Variants in TEK observed in about 807,000 individuals in gnomAD.
TEK encodes the protein TEK receptor tyrosine kinase, also known as angiopoietin-1 receptor.
Under a neutral mutation model 131.8 loss-of-function variants are expected in TEK, and 43 were observed. The ratio of observed to expected loss-of-function variants is 0.33; its 90% confidence interval spans 0.26 to 0.42. The LOEUF (loss-of-function observed/expected upper bound fraction) is 0.42. TEK is among the 10% of genes least tolerant of loss of function. The pLI, the probability that TEK is intolerant of heterozygous loss-of-function variation, is 1.00. For synonymous variants in TEK, 580 were observed against 491.6 expected (o/e 1.18, Z -2.38); for missense variants, 1,162 against 1,384.4 (o/e 0.84, Z 2.55).
intron 21 of TEK, among the ~76,000 whole-genome samples, chr9:27,227,391 A>G (rs1294860388): frequency 1.3e-5 from 2 of 152,194 alleles, no homozygotes; most frequent in East Asian, 3.9e-4. Flanking sequence ...TCTGCGGTCA[A>G]TTACTTTGGA....
Position 27,229,667 on chromosome 9 carries a change from T to G in TEK, c.*435T>G, listed in dbSNP as rs1160674607. 5.1e-6 allele frequency: 1 copy of G among 194,528 alleles called. No homozygotes were observed. The highest frequency in any genetic ancestry group is 1.1e-5 in the Non-Finnish European group (1 of 92,294). 12.1% of individuals were successfully genotyped at this position (194,528 alleles called of 1,614,324 possible). On this transcript the variant is annotated 3_prime_UTR_variant, in exon 23 of 23. Transcript: ENST00000380036. Reference sequence around the variant, plus strand: ...AATGACCCTGATAGTACAGGTTAAGTGAGAGAACTATATGAATTCTAACAA... The same window carrying G: ...AATGACCCTGATAGTACAGGTTAAGGGAGAGAACTATATGAATTCTAACAA...
chr9:27,204,070 C>T (rs954109512), intron 13 of TEK, among the ~76,000 whole-genome samples: 3 of 151,964 alleles, frequency 2.0e-5, no homozygotes, highest in South Asian at 2.1e-4. Flanking sequence ...TGTGTTTTGG[C>T]GAAATGTAAC....
intron 14 of TEK, 83 bp downstream of exon 14, chr9:27,205,148 A>T (rs1222870171): frequency 6.5e-6 from 10 of 1,546,266 alleles, no homozygotes; most frequent in Non-Finnish European, 8.9e-6. Flanking sequence ...GGACCAGGAA[A>T]TTTACTTATA....
intron 1 of TEK, 111 bp downstream of exon 1, chr9:27,109,753 G>A: frequency 2.9e-6 from 3 of 1,032,084 alleles, no homozygotes; most frequent in Non-Finnish European, 4.4e-6. Flanking sequence ...GGTGGCTGTA[G>A]CAAAGGCACC....
chr9:27,142,349 A>G (rs7875598), intron 1 of TEK, among the ~76,000 whole-genome samples: 1,771 of 152,344 alleles, frequency 0.012, 41 homozygotes, highest in African/African-American at 0.04. Context: ...TGAGATGCCT[A>G]TGTAGGTGTC....
intron 1 of TEK, among the ~76,000 whole-genome samples, chr9:27,119,237 C>A (rs1456021329): frequency 6.6e-6 from 1 of 152,116 alleles, no homozygotes; most frequent in Non-Finnish European, 1.5e-5. Flanking sequence ...TGCCTTCGAA[C>A]TAGTGTTTCA....
Position 27,206,699 on chromosome 9 carries a change from G to A in TEK, c.2482G>A (p.Asp828Asn). 9 of 1,614,114 alleles carry A rather than the reference G, an allele frequency of 5.6e-6. No individual in the cohort carries two copies. Among genetic ancestry groups the A allele is most frequent in the Non-Finnish European group, 7.6e-6 (9 of 1,180,002 alleles). ...TGACTGGAATGACATCAAATTTCAA[G>A]ATGTGATTGGGGAGGGCAATTTTGG... ...VLDWNDIKFQ[D>N]VIGEGNFGQV... Residue 828 changes from aspartate to asparagine, a missense_variant, in exon 15 of 23, where the codon GAT (aspartate) becomes AAT (asparagine). Asp to Asn is a conservative substitution (Grantham distance 23, BLOSUM62 1). Coordinates refer to ENST00000380036, the MANE Select transcript of TEK (RefSeq NM_000459.5).
At chr9:27,212,956 T>A in intron 17 of TEK, 59 bp downstream of exon 17, 6 of 1,569,770 alleles carry the variant, frequency 3.8e-6, no homozygotes, top group Non-Finnish European at 5.2e-6. Flanking sequence ...CTAAAGTCAG[T>A]TTCAATATGT....
At position 27,209,194 on chromosome 9, in the gene TEK, A is replaced by G. The variant is rs375837222; in HGVS notation, c.2649A>G (p.Pro883=). 20 of 1,613,962 alleles carry G rather than the reference A, an allele frequency of 1.2e-5. No homozygotes were observed. The highest frequency in any genetic ancestry group is 2.7e-5 in the African/African-American group (2 of 74,946). Reference sequence around the variant, plus strand: ...TTCTTTGTAAACTTGGACACCATCCAAACATCATCAATCTCTTAGGAGCAT... The same window carrying G: ...TTCTTTGTAAACTTGGACACCATCCGAACATCATCAATCTCTTAGGAGCAT... ...LEVLCKLGHH[P]NIINLLGACE... is the part of the protein sequence containing the mutation. Residue 883 remains proline (P), a synonymous_variant, in exon 16 of 23, where the codon CCA becomes CCG. Transcript: ENST00000380036.
chr9:27,166,666 T>A (rs1823742020), intron 2 of TEK, among the ~76,000 whole-genome samples: 2 of 152,238 alleles, frequency 1.3e-5, no homozygotes, highest in Admixed American at 6.5e-5. Context: ...TAGTATTAGT[T>A]TGCTATATAT....
chr9:27,168,007 G>A (rs555667091), intron 2 of TEK, among the ~76,000 whole-genome samples: 1 of 152,238 alleles, frequency 6.6e-6, no homozygotes, highest in South Asian at 2.1e-4. Context: ...AATCTGAGAT[G>A]CTCCAAGATC....
At chr9:27,182,069 G>A (rs1824399109) in intron 7 of TEK, among the ~76,000 whole-genome samples, 1 of 152,196 alleles carries the variant, frequency 6.6e-6, no homozygotes. Flanking sequence ...GAAAGGGAAG[G>A]AAATGCCATG....
intron 12 of TEK, 129 bp from the exon 13 acceptor site, chr9:27,202,691 G>T: frequency 1.0e-6 from 1 of 960,350 alleles, no homozygotes; most frequent in Non-Finnish European, 1.6e-6. Flanking sequence ...ACTACCAATT[G>T]ATTGGGGTAC....
Position 27,172,765 on chromosome 9 carries a change from A to T in TEK, c.760+18A>T. On this transcript the variant is annotated intron_variant, in intron 5 of 22. Transcript: ENST00000380036. ...TGAGAAGGGTAAGTAAAGAGACTTGATAAGTAAGCTGTGGATTTAAAAAGC... is the reference window on the plus strand; with the variant it reads ...TGAGAAGGGTAAGTAAAGAGACTTGTTAAGTAAGCTGTGGATTTAAAAAGC... 6.2e-7 allele frequency: 1 copy of T among 1,612,950 alleles called. No individual in the cohort carries two copies. The highest frequency in any genetic ancestry group is 2.2e-5 in the East Asian group (1 of 44,824).
rs140474616 is a variant in TEK, at chr9:27,222,216, G to A, written c.3200+2071G>A. Among the ~76,000 whole-genome samples the A allele has an allele frequency of 7.9e-5, 12 of 152,268 alleles. No homozygotes were observed. In the East Asian group the frequency reaches 2.3e-3, roughly 29 times the overall value. ...GAAAAGGAATGAACAAAGCCTCCAAGAAATACGAGACTACGTGAAAAGACC... is the reference window on the plus strand; with the variant it reads ...GAAAAGGAATGAACAAAGCCTCCAAAAAATACGAGACTACGTGAAAAGACC... On this transcript the variant is annotated intron_variant, in intron 21 of 22. Coordinates refer to ENST00000380036, the MANE Select transcript of TEK (RefSeq NM_000459.5).
Position 27,177,153 on chromosome 9 carries a change from G to A in TEK, c.902-3087G>A, listed in dbSNP as rs572173440. Among the ~76,000 whole-genome samples the A allele has an allele frequency of 2.0e-5, 3 of 152,298 alleles. No individual in the cohort carries two copies. In the South Asian group the frequency reaches 6.2e-4, roughly 32 times the overall value. ...CTGTAAGCAATGCTGCAATGGACATGAGAAAACAGATGTCTCTTTGAGATA... is the reference window on the plus strand; with the variant it reads ...CTGTAAGCAATGCTGCAATGGACATAAGAAAACAGATGTCTCTTTGAGATA... On this transcript the variant is annotated intron_variant, in intron 6 of 22. Coordinates refer to ENST00000380036, the MANE Select transcript of TEK (RefSeq NM_000459.5).
chr9:27,169,380 G>C (rs1464736747), intron 3 of TEK, 97 bp from the exon 4 acceptor site: 1 of 1,527,490 alleles, frequency 6.5e-7, no homozygotes, highest in Non-Finnish European at 9.0e-7. Context: ...ACATTTTCTT[G>C]ACCATGTCAG....
At chr9:27,225,252 A>C (rs1238946567) in intron 21 of TEK, among the ~76,000 whole-genome samples, 1 of 152,218 alleles carries the variant, frequency 6.6e-6, no homozygotes, top group East Asian at 1.9e-4. Context: ...TAAATTTCAT[A>C]TGGAACCAAA....
chr9:27,206,118 G>C (rs1825390798), intron 14 of TEK, among the ~76,000 whole-genome samples: 1 of 152,222 alleles, frequency 6.6e-6, no homozygotes, highest in African/African-American at 2.4e-5. Flanking sequence ...CTTACTACGA[G>C]AGAGAAAGAG....
Sources: gnomAD v4.1 joint callset for allele counts (sites outside exome capture counted in the v4.1 genomes callset) on GRCh38, gnomAD v4.1.1 for gene constraint, MANE v1.5 for transcripts, NCBI Gene and HGNC (gene_info 2026-07-23, HGNC 2026-07-21) for gene names.